KIF26A: variants seen among roughly 807,000 people sequenced by gnomAD.
KIF26A encodes the protein kinesin-like protein KIF26A.
Under a neutral mutation model 126.0 loss-of-function variants are expected in KIF26A, and 74 were observed. The ratio of observed to expected loss-of-function variants is 0.59; its 90% CI spans 0.49 to 0.71. KIF26A has a LOEUF of 0.71. KIF26A is among the 30% of genes least tolerant of loss of function. The probability of loss-of-function intolerance (pLI) is 0.00; values close to 1 mark genes in which losing one functional copy is unlikely to be tolerated. For missense variants in KIF26A, 2,984 were observed against 2,763.3 expected, an observed-to-expected ratio of 1.08 and a Z score of -1.79; for synonymous variants, 1,445 against 1,232.7, an observed-to-expected ratio of 1.17 and a Z score of -3.61.
chr14:104,176,887 C>T lies in KIF26A; in HGVS notation c.4099C>T (p.Arg1367Trp), dbSNP rs753377724. ...GGCGGCCCCCCCGGCCCCACCCACG[C>T]GGAAGTCCAGCCTGGAGCAGAGGAG... ...SGAAPPAPPTRKSSLEQRSSP... is the reference protein window; with the variant it reads ...SGAAPPAPPTWKSSLEQRSSP... Residue 1367 changes from arginine (R) to tryptophan (W), a missense_variant, in exon 12 of 15, where the codon CGG (arginine) becomes TGG (tryptophan). Transcript: ENST00000423312. 28 of 1,541,662 alleles carry T rather than the reference C, an allele frequency of 1.8e-5. No homozygotes were observed. The highest frequency in any genetic ancestry group is 2.4e-5 in the South Asian group (2 of 83,876).
In KIF26A at chr14:104,152,246, C is replaced by A. The variant is rs748651324; in HGVS notation, c.520C>A (p.Pro174Thr). 4 of 1,596,812 alleles carry A rather than the reference C, an allele frequency of 2.5e-6. No homozygotes were observed. In the East Asian group the frequency reaches 9.1e-5, roughly 36 times the overall value. ...PSTTTSSRDT[P>T]GPAGPAGRQP... is the part of the protein sequence containing the mutation. ...CACCACGACCAGCTCGAGGGACACG[C>A]CAGGACCAGCGGGTCCTGCAGGGAG... Residue 174 changes from proline to threonine, a missense_variant, in exon 3 of 15, where the codon CCA (proline) becomes ACA (threonine). Pro to Thr is a conservative substitution (Grantham distance 38). Coordinates refer to ENST00000423312, the MANE Select transcript of KIF26A (RefSeq NM_015656.2). The surrounding 1 kb of genome is among the most constrained non-coding windows in gnomAD (Gnocchi z 5.9).
chr14:104,174,936 C>A, intron 11 of KIF26A, 46 bp from the exon 12 acceptor site: 1 of 1,462,020 alleles, frequency 6.8e-7, no homozygotes, highest in Admixed American at 2.4e-5. Flanking sequence ...GAAGCGGGGG[C>A]GTGTAGGGGA....
At chr14:104,138,809 C>T (rs776430677) in intron 1 of KIF26A, 45 bp downstream of exon 1, 113 of 1,258,520 alleles carry the variant, frequency 9.0e-5, no homozygotes, top group Non-Finnish European at 1.1e-4. Context: ...GGCGGGGGCC[C>T]GGGACGGCGA....
chr14:104,166,469 C>T (rs146244999), intron 4 of KIF26A, among the ~76,000 whole-genome samples: 100 of 152,244 alleles, frequency 6.6e-4, no homozygotes, highest in Non-Finnish European at 1.1e-3. Flanking sequence ...GCATGGCTGC[C>T]CACAGCCTGG....
Position 104,179,842 on chromosome 14 carries a change from C to G in KIF26A, c.*52C>G, listed in dbSNP as rs1022835310. 2.1e-6 allele frequency: 3 copies of G among 1,424,104 alleles called. No individual in the cohort carries two copies. The highest frequency in any genetic ancestry group is 1.5e-5 in the South Asian group (1 of 67,428). 88.2% of individuals were successfully genotyped at this position (1,424,104 alleles called of 1,614,324 possible). A position where few individuals can be genotyped will look rare whatever the true frequency, so the allele number is the denominator to read the frequency against. On this transcript the variant is annotated 3_prime_UTR_variant, in exon 15 of 15. Coordinates refer to ENST00000423312, the MANE Select transcript of KIF26A (RefSeq NM_015656.2). ...GCGTGCAGCGGGCTGGAGGACGGGA[C>G]GTGGGACGGAGCGAGGATGTGGTGG... is the stretch of plus-strand genomic sequence containing the variant.
chr14:104,170,451 C>T (rs985635917), intron 5 of KIF26A, among the ~76,000 whole-genome samples: 26 of 152,340 alleles, frequency 1.7e-4, no homozygotes, highest in African/African-American at 5.3e-4. Context: ...GAGTAGGTGC[C>T]GCCTGGTGCG....
At position 104,173,207 on chromosome 14, in the gene KIF26A, T is replaced by C; in HGVS notation, c.1651T>C (p.Tyr551His). 1 of 1,610,950 alleles carries C rather than the reference T, an allele frequency of 6.2e-7. No homozygotes were observed. Among genetic ancestry groups the C allele is most frequent in the Non-Finnish European group, 8.5e-7 (1 of 1,178,756 alleles). ...SLQDTQSPGV[Y>H]LREDPVCGAQ... ...CCAGGACACCCAGTCTCCGGGAGTG[T>C]ACCTGCGGGAGGACCCCGTGTGTGG... The change falls in exon 8 of 15, where the codon TAC becomes CAC. Residue 551 changes from tyrosine to histidine, a missense_variant. Physicochemically the swap from Tyr to His is moderately conservative, Grantham distance 83. Coordinates refer to ENST00000423312, the MANE Select transcript of KIF26A (RefSeq NM_015656.2).
chr14:104,149,557 C>T (rs1430633394), intron 2 of KIF26A, among the ~76,000 whole-genome samples: 1 of 151,772 alleles, frequency 6.6e-6, no homozygotes, highest in East Asian at 1.9e-4. Flanking sequence ...CTGGATAGGG[C>T]TGGGGCCTCC....
chr14:104,159,315 G>A (rs375353455), intron 4 of KIF26A, among the ~76,000 whole-genome samples: 2 of 152,354 alleles, frequency 1.3e-5, no homozygotes, highest in South Asian at 2.1e-4. Flanking sequence ...CGGCTGTTCT[G>A]GGCACAGCCC....
chr14:104,180,160 T>G lies in KIF26A; in HGVS notation c.*370T>G. ...GGCGCCGGTTGTGTTTGTGTCCACCTTGCCTTCTTTGCAGCCAAGCAGTTT... is the reference window on the plus strand; with the variant it reads ...GGCGCCGGTTGTGTTTGTGTCCACCGTGCCTTCTTTGCAGCCAAGCAGTTT... On this transcript the variant is annotated 3_prime_UTR_variant, in exon 15 of 15. Coordinates refer to ENST00000423312, the MANE Select transcript of KIF26A (RefSeq NM_015656.2). 5.3e-6 allele frequency: 1 copy of G among 188,570 alleles called. No homozygotes were observed. The highest frequency in any genetic ancestry group is 1.0e-5 in the Non-Finnish European group (1 of 95,630). The allele number at this position is 188,570 out of a possible 1,614,324, so 11.7% of individuals were successfully genotyped here. A position where few individuals can be genotyped will look rare whatever the true frequency, so the allele number is the denominator to read the frequency against.
intron 2 of KIF26A, among the ~76,000 whole-genome samples, chr14:104,145,491 C>G (rs571781977): frequency 3.9e-5 from 6 of 152,296 alleles, no homozygotes; most frequent in African/African-American, 9.6e-5. Context: ...CCGCCTGGCC[C>G]GGCGCCAGGT....
At chr14:104,144,602 C>G (rs1566854048) in intron 2 of KIF26A, among the ~76,000 whole-genome samples, 1 of 152,186 alleles carries the variant, frequency 6.6e-6, no homozygotes, top group African/African-American at 2.4e-5. Flanking sequence ...CCTTAAGTAA[C>G]AAAGAAAGTC....
At position 104,178,558 on chromosome 14, in the gene KIF26A, C is replaced by G; in HGVS notation, c.5119C>G (p.Arg1707Gly). ...SPKKRATGLQ[R>G]RRLIPAPLPD... Reference sequence around the variant, plus strand: ...CCGGCTCTCCGTTCCAGGTCTGCAGCGGCGGCGCCTGATTCCCGCCCCACT... The same window carrying G: ...CCGGCTCTCCGTTCCAGGTCTGCAGGGGCGGCGCCTGATTCCCGCCCCACT... Residue 1707 changes from arginine to glycine, a missense_variant, in exon 13 of 15, where the codon CGG becomes GGG. By Grantham distance (125) the Arg-to-Gly change is moderately radical (BLOSUM62 -2). Coordinates refer to ENST00000423312, the MANE Select transcript of KIF26A (RefSeq NM_015656.2). The G allele has an allele frequency of 6.8e-7, 1 of 1,466,192 alleles. No individual in the cohort carries two copies. The highest frequency in any genetic ancestry group is 9.0e-7 in the Non-Finnish European group (1 of 1,106,530). The allele number at this position is 1,466,192 out of a possible 1,614,324, so 90.8% of individuals were successfully genotyped here.
chr14:104,168,837 C>T (rs370296756), intron 5 of KIF26A, among the ~76,000 whole-genome samples: 73 of 151,992 alleles, frequency 4.8e-4, no homozygotes, highest in African/African-American at 1.8e-3. Flanking sequence ...GGGGTTGGGG[C>T]AAGGCCCCTG....
In KIF26A at chr14:104,176,850, G is replaced by A. The variant is rs958248394; in HGVS notation, c.4062G>A (p.Pro1354=). The change falls in exon 12 of 15, where the codon CCG becomes CCA. Residue 1354 remains proline (P), a synonymous_variant. Coordinates refer to ENST00000423312, the MANE Select transcript of KIF26A (RefSeq NM_015656.2). ...KGLAPKAGFL[P]RPSGAAPPAP... Reference sequence around the variant, plus strand: ...TGGCTCCCAAGGCGGGCTTCCTCCCGAGGCCCAGTGGGGCGGCCCCCCCGG... The same window carrying A: ...TGGCTCCCAAGGCGGGCTTCCTCCCAAGGCCCAGTGGGGCGGCCCCCCCGG... The A allele has an allele frequency of 5.2e-6, 8 of 1,545,034 alleles. 1 individual carries two copies. Among genetic ancestry groups the A allele is most frequent in the Non-Finnish European group, 6.1e-6 (7 of 1,145,848 alleles).
At chr14:104,172,937 C>A in intron 7 of KIF26A, 40 bp from the exon 8 acceptor site, 1 of 1,534,762 alleles carries the variant, frequency 6.5e-7, no homozygotes, top group Non-Finnish European at 8.8e-7. Flanking sequence ...AGGCTCCTTG[C>A]GTGGTGTGTG....
intron 4 of KIF26A, among the ~76,000 whole-genome samples, chr14:104,165,424 C>A (rs370514841): frequency 7.9e-6 from 1 of 125,922 alleles, no homozygotes; most frequent in Non-Finnish European, 1.6e-5. Context: ...TCTCTGTATG[C>A]GTGTGTGTCT....
At chr14:104,156,063 C>CTG (rs1644639599) in intron 3 of KIF26A, among the ~76,000 whole-genome samples, 1 of 152,178 alleles carries the variant, frequency 6.6e-6, no homozygotes, top group Admixed American at 6.5e-5. Context: ...GCCACGCTGG[C>CTG]TGTGGGTGGT....
Position 104,173,757 on chromosome 14 carries a change from C to T in KIF26A, c.1919C>T (p.Ala640Val), listed in dbSNP as rs566897705. The T allele has an allele frequency of 2.9e-5, 46 of 1,610,176 alleles. No homozygotes were observed. The Middle Eastern group carries it at 8.3e-4, about 29-fold the overall frequency. The change falls in exon 10 of 15, where the codon GCG (alanine) becomes GTG (valine). Residue 640 changes from alanine (A) to valine (V), a missense_variant. Coordinates refer to ENST00000423312, the MANE Select transcript of KIF26A (RefSeq NM_015656.2). ...LHLIDLGSCE[A>V]AAGRAGEAAG... Reference sequence around the variant, plus strand: ...CTCATCGACCTGGGCAGCTGTGAGGCGGCGGCTGGCAGGGCCGGGGAGGCT... The same window carrying T: ...CTCATCGACCTGGGCAGCTGTGAGGTGGCGGCTGGCAGGGCCGGGGAGGCT...
Sources: allele counts gnomAD v4.1 joint callset (sites outside exome capture counted in the v4.1 genomes callset), GRCh38; gene constraint gnomAD v4.1.1; non-coding constraint Gnocchi (gnomAD v3.1); transcripts MANE v1.5; gene names NCBI Gene and HGNC (gene_info 2026-07-23, HGNC 2026-07-21).